Variants in DTNB observed in about 807,000 individuals in gnomAD.
DTNB encodes DTN-B.
DTNB carries 63 observed loss-of-function variants against 90.7 expected under a neutral mutation model. The ratio of observed to expected loss-of-function variants is 0.69; its 90% CI spans 0.57 to 0.86. The LOEUF is 0.86. Among genes scored for constraint, DTNB ranks in the 40% least tolerant of loss-of-function variants. The pLI is 0.00. For missense variants in DTNB, 744 were observed against 807.1 expected (o/e 0.92, Z 0.95); for synonymous variants, 277 against 286.7 (o/e 0.97, Z 0.34).
At chr2:25,517,832 G>A (rs979538516) in intron 9 of DTNB, among the ~76,000 whole-genome samples, 5 of 152,120 alleles carry the variant, frequency 3.3e-5, no homozygotes, top group African/African-American at 1.2e-4. Flanking sequence ...GAATGGATGA[G>A]CAAAATATGG....
intron 4 of DTNB, among the ~76,000 whole-genome samples, chr2:25,612,906 T>C (rs1167578649): frequency 6.6e-6 from 1 of 152,114 alleles, no homozygotes; most frequent in African/African-American, 2.4e-5. Flanking sequence ...CCATATCCAT[T>C]ACAAATTGAA....
chr2:25,586,194 C>G (rs895712040), intron 6 of DTNB, among the ~76,000 whole-genome samples: 1 of 152,112 alleles, frequency 6.6e-6, no homozygotes, highest in African/African-American at 2.4e-5. Flanking sequence ...TTTCTCATGT[C>G]ATACTTAACT....
At chr2:25,470,568 G>A (rs1320160723) in intron 10 of DTNB, among the ~76,000 whole-genome samples, 1 of 151,668 alleles carries the variant, frequency 6.6e-6, no homozygotes, top group Non-Finnish European at 1.5e-5. Context: ...GTAGAGATGG[G>A]GTTTCACCAT....
chr2:25,622,350 G>A (rs774186343), intron 4 of DTNB, among the ~76,000 whole-genome samples: 11 of 152,248 alleles, frequency 7.2e-5, no homozygotes, highest in Middle Eastern at 6.8e-3. Flanking sequence ...CAGGCGTGGT[G>A]GCGTATGCCT....
chr2:25,634,651 G>A (rs1486775952), intron 3 of DTNB, among the ~76,000 whole-genome samples: 4 of 115,982 alleles, frequency 3.4e-5, no homozygotes, highest in Non-Finnish European at 8.1e-5. Context: ...GAGGTTGGAT[G>A]GTTGCCGTGT....
chr2:25,470,232 G>A (rs1366080419), intron 10 of DTNB, among the ~76,000 whole-genome samples: 4 of 152,078 alleles, frequency 2.6e-5, no homozygotes, highest in Non-Finnish European at 5.9e-5. Context: ...GGAGGAAGAC[G>A]TACAAAAAAA....
intron 8 of DTNB, among the ~76,000 whole-genome samples, chr2:25,534,639 G>A (rs1341433199): frequency 2.0e-5 from 3 of 150,064 alleles, no homozygotes; most frequent in Admixed American, 1.3e-4. Context: ...CCGGGCAGAG[G>A]TGCTCCTCAC....
rs141870246 is a variant in DTNB at position 25,560,561 on chromosome 2, C to T, written c.876+16277G>A. Among the ~76,000 whole-genome samples, 1,014 of 151,454 alleles carry T rather than the reference C, an allele frequency of 6.7e-3. 12 individuals carry two copies. The highest frequency in any genetic ancestry group is 0.021 in the African/African-American group (879 of 41,482). ...CTAGGTCTGGAGCCTGCTGGAACTACCCACCATTGGTTCTCCTGGTTCTCA... is the reference window on the plus strand; with the variant it reads ...CTAGGTCTGGAGCCTGCTGGAACTATCCACCATTGGTTCTCCTGGTTCTCA... On this transcript the variant is annotated intron_variant, in intron 8 of 20. Transcript: ENST00000406818.
intron 9 of DTNB, among the ~76,000 whole-genome samples, chr2:25,512,913 G>A (rs1265229877): frequency 2.0e-5 from 3 of 152,216 alleles, no homozygotes; most frequent in Non-Finnish European, 4.4e-5. Context: ...GGTGGGTCCC[G>A]ATTACACAGG....
chr2:25,607,548 A>G (rs2067405814), intron 4 of DTNB, among the ~76,000 whole-genome samples: 1 of 152,126 alleles, frequency 6.6e-6, no homozygotes, highest in African/African-American at 2.4e-5. Context: ...GAAGTTTTAG[A>G]AACATTCTAT....
At chr2:25,578,083 T>C (rs2060981334) in intron 7 of DTNB, among the ~76,000 whole-genome samples, 1 of 152,144 alleles carries the variant, frequency 6.6e-6, no homozygotes, top group Non-Finnish European at 1.5e-5. Context: ...ATTATATATA[T>C]AAGACCACAA....
chr2:25,619,310 TAA>T (rs776944157), intron 4 of DTNB, among the ~76,000 whole-genome samples: 184 of 152,320 alleles, frequency 1.2e-3, no homozygotes, highest in Middle Eastern at 3.4e-3. Context: ...TAGCTAAACG[TAA>T]TAAGAGCATC....
chr2:25,497,866 C>T (rs766156110), intron 9 of DTNB, among the ~76,000 whole-genome samples: 2 of 152,190 alleles, frequency 1.3e-5, no homozygotes, highest in East Asian at 1.9e-4. Context: ...CTTAAATATT[C>T]TAGGTTTTCT....
At chr2:25,637,428 G>T (rs545347160) in intron 3 of DTNB, among the ~76,000 whole-genome samples, 1 of 152,092 alleles carries the variant, frequency 6.6e-6, no homozygotes, top group African/African-American at 2.4e-5. Flanking sequence ...GGCAATCTAC[G>T]GAATGGGAGA....
chr2:25,519,513 T>A (rs540596190), intron 9 of DTNB, among the ~76,000 whole-genome samples: 1 of 151,930 alleles, frequency 6.6e-6, no homozygotes, highest in African/African-American at 2.4e-5. Context: ...GGAATCAAAG[T>A]ACAAGTTGAG....
intron 6 of DTNB, among the ~76,000 whole-genome samples, chr2:25,593,129 A>C (rs1161747496): frequency 6.6e-6 from 1 of 152,174 alleles, no homozygotes; most frequent in Admixed American, 6.5e-5. Context: ...GGGTCCTTGA[A>C]ACCAGTCACT....
rs749913189 is a variant in DTNB at position 25,427,596 on chromosome 2, G to A, written c.1493C>T (p.Ala498Val). 1 of 1,613,446 alleles carries A rather than the reference G, an allele frequency of 6.2e-7. No individual in the cohort carries two copies. Among genetic ancestry groups the A allele is most frequent in the African/African-American group, 1.3e-5 (1 of 74,898 alleles). Residue 498 changes from alanine (A) to valine (V), a missense_variant, in exon 15 of 21, where the codon GCC (alanine) becomes GTC (valine). Coordinates refer to ENST00000406818, the MANE Select transcript of DTNB (RefSeq NM_021907.5). ...CAGCTCCCGCCTGCTCTCCTGCAGG[G>A]CCGACATCCTCTGCTCCAGTTCATC... The part of the protein sequence containing the change: ...RKDELEQRMS[A>V]LQESRRELMV...
At chr2:25,551,287 A>G (rs1458694346) in intron 8 of DTNB, among the ~76,000 whole-genome samples, 1 of 152,180 alleles carries the variant, frequency 6.6e-6, no homozygotes, top group Non-Finnish European at 1.5e-5. Context: ...AGGAAATTAT[A>G]TTTACCTATA....
intron 1 of DTNB, among the ~76,000 whole-genome samples, chr2:25,663,741 A>G (rs913114158): frequency 3.9e-5 from 6 of 152,206 alleles, no homozygotes; most frequent in African/African-American, 1.4e-4. Flanking sequence ...AAAATTTGGT[A>G]CAATAGCCAT....
Sources: gnomAD v4.1 joint callset for allele counts (sites outside exome capture counted in the v4.1 genomes callset) on GRCh38, gnomAD v4.1.1 for gene constraint, MANE v1.5 for transcripts, NCBI Gene and HGNC (gene_info 2026-07-23, HGNC 2026-07-21) for gene names.